Variants in GLI3 observed in about 807,000 individuals in gnomAD.
GLI3 encodes transcription activator GLI3.
Under a neutral mutation model 100.8 loss-of-function variants are expected in GLI3, and 20 were observed. The observed-to-expected ratio is 0.20, with a 90% CI of 0.14 to 0.29. The LOEUF is 0.29. Among genes scored for constraint, GLI3 ranks in the 10% least tolerant of loss-of-function variants. GLI3 has a pLI of 1.00. For missense variants in GLI3, 2,040 were observed against 2,128.5 expected, an observed-to-expected ratio of 0.96 and a Z score of 0.82; for synonymous variants, 938 against 860.5, an observed-to-expected ratio of 1.09 and a Z score of -1.58.
intron 10 of GLI3, among the ~76,000 whole-genome samples, chr7:41,988,892 T>TAA (rs1288194173): frequency 6.6e-6 from 1 of 152,234 alleles, no homozygotes; most frequent in Non-Finnish European, 1.5e-5. Flanking sequence ...TACCATCCAG[T>TAA]AAGTTGCCTT....
At chr7:42,155,213 G>A (rs1786972485) in intron 2 of GLI3, among the ~76,000 whole-genome samples, 1 of 152,078 alleles carries the variant, frequency 6.6e-6, no homozygotes, top group South Asian at 2.1e-4. Context: ...GCCGAGGTGG[G>A]CAGATAACCC....
At chr7:42,002,187 A>C (rs1311208018) in intron 10 of GLI3, among the ~76,000 whole-genome samples, 1 of 152,222 alleles carries the variant, frequency 6.6e-6, no homozygotes, top group Non-Finnish European at 1.5e-5. Flanking sequence ...AGTTTCTCAG[A>C]GGGTGATGAA....
At chr7:41,967,992 G>A (rs1233293891) in intron 13 of GLI3, 69 bp from the exon 14 acceptor site, 2 of 1,145,408 alleles carry the variant, frequency 1.7e-6, no homozygotes, top group African/African-American at 1.5e-5. Flanking sequence ...CCAATAATGA[G>A]AGCTCATGCA....
chr7:42,207,094 G>A (rs1788171322), intron 2 of GLI3, among the ~76,000 whole-genome samples: 1 of 152,140 alleles, frequency 6.6e-6, no homozygotes, highest in African/African-American at 2.4e-5. Flanking sequence ...CAACCCCTTG[G>A]GAAGAGTATT....
chr7:42,260,181 C>A (rs1243341424), intron 1 of GLI3, among the ~76,000 whole-genome samples: 1 of 152,190 alleles, frequency 6.6e-6, no homozygotes, highest in African/African-American at 2.4e-5. Context: ...ATGATAATTT[C>A]TGCAGGGTGA....
At chr7:42,117,264 A>T (rs1262167451) in intron 3 of GLI3, among the ~76,000 whole-genome samples, 1 of 152,156 alleles carries the variant, frequency 6.6e-6, no homozygotes, top group Admixed American at 6.5e-5. Context: ...TACCAGCAAA[A>T]AGGCCAGGGC....
intron 2 of GLI3, among the ~76,000 whole-genome samples, chr7:42,169,893 T>C (rs1230288315): frequency 2.6e-5 from 4 of 151,972 alleles, no homozygotes; most frequent in South Asian, 4.2e-4. Context: ...TTACAATCAA[T>C]TGAAATATAA....
At chr7:42,124,565 A>C (rs1010353736) in intron 3 of GLI3, among the ~76,000 whole-genome samples, 25 of 152,210 alleles carry the variant, frequency 1.6e-4, no homozygotes, top group African/African-American at 6.0e-4. Flanking sequence ...TACTATTAGT[A>C]ATTCTCAGAA....
At chr7:41,979,197 G>A (rs560663227) in intron 10 of GLI3, among the ~76,000 whole-genome samples, 5 of 152,294 alleles carry the variant, frequency 3.3e-5, no homozygotes, top group East Asian at 1.9e-4. Flanking sequence ...TTAGCACCGC[G>A]GCTTAGGCTT....
intron 2 of GLI3, among the ~76,000 whole-genome samples, chr7:42,175,201 T>A (rs1221645592): frequency 6.6e-6 from 1 of 152,164 alleles, no homozygotes; most frequent in Non-Finnish European, 1.5e-5. Flanking sequence ...GATTCACCAT[T>A]GATGCTAGCA....
At chr7:42,030,833 C>T (rs1489737419) in intron 7 of GLI3, among the ~76,000 whole-genome samples, 2 of 152,148 alleles carry the variant, frequency 1.3e-5, no homozygotes, top group East Asian at 3.9e-4. Context: ...ATTCTCCTGC[C>T]TCAGCCTCCC....
chr7:42,211,178 T>C (rs1788265422), intron 2 of GLI3, among the ~76,000 whole-genome samples: 1 of 152,236 alleles, frequency 6.6e-6, no homozygotes, highest in Non-Finnish European at 1.5e-5. Flanking sequence ...CGGTAGCTAT[T>C]TTTTTCAAGC....
At chr7:42,152,893 C>A (rs1299878367) in intron 2 of GLI3, among the ~76,000 whole-genome samples, 1 of 152,094 alleles carries the variant, frequency 6.6e-6, no homozygotes, top group African/African-American at 2.4e-5. Flanking sequence ...TTTTTCTTTG[C>A]CAGAATTTGC....
chr7:42,231,897 CAA>C (rs59256693), intron 1 of GLI3, among the ~76,000 whole-genome samples: 11 of 125,894 alleles, frequency 8.7e-5, no homozygotes, highest in Non-Finnish European at 1.1e-4. Flanking sequence ...ATGCAATCTT[CAA>C]AAAAAAAAAA....
chr7:42,054,117 G>A (rs899145833), intron 4 of GLI3, among the ~76,000 whole-genome samples: 4 of 152,100 alleles, frequency 2.6e-5, no homozygotes, highest in African/African-American at 9.7e-5. Flanking sequence ...ACTGTTTGTT[G>A]GTGTAGGTAA....
At chr7:42,107,426 C>T (rs548958737) in intron 3 of GLI3, among the ~76,000 whole-genome samples, 12 of 152,182 alleles carry the variant, frequency 7.9e-5, no homozygotes, top group South Asian at 2.1e-4. Flanking sequence ...CACAGAAGCA[C>T]GGAGTGTATT....
At chr7:42,225,985 C>T (rs111621856) in intron 1 of GLI3, among the ~76,000 whole-genome samples, 1 of 152,156 alleles carries the variant, frequency 6.6e-6, no homozygotes, top group Non-Finnish European at 1.5e-5. Context: ...GACTCTGCAG[C>T]GTCTTGAATT....
chr7:42,105,962 T>A (rs554892814), intron 3 of GLI3, among the ~76,000 whole-genome samples: 20 of 152,298 alleles, frequency 1.3e-4, no homozygotes, highest in African/African-American at 4.6e-4. Context: ...AATTTCTCAG[T>A]ACATACCTCA....
intron 10 of GLI3, among the ~76,000 whole-genome samples, chr7:41,982,763 C>T (rs1168307584): frequency 1.3e-5 from 2 of 151,680 alleles, no homozygotes; most frequent in Non-Finnish European, 2.9e-5. Flanking sequence ...CATCTGAGGG[C>T]CTATATCACA....
Sources: gnomAD v4.1 joint callset for allele counts (sites outside exome capture counted in the v4.1 genomes callset) on GRCh38, gnomAD v4.1.1 for gene constraint, MANE v1.5 for transcripts, NCBI Gene and HGNC (gene_info 2026-07-23, HGNC 2026-07-21) for gene names.